The following SS18 variants were observed in gnomAD, a reference collection of about 807,000 sequenced individuals.
SS18 encodes protein SSXT.
SS18 carries 28 observed loss-of-function variants against 72.5 expected under a neutral mutation model. The ratio of observed to expected loss-of-function variants is 0.39; its 90% CI spans 0.29 to 0.53. SS18 has a LOEUF of 0.53. Ranked by LOEUF, SS18 falls within the 20% of genes least tolerant of loss-of-function variation. The pLI is 0.76. For synonymous variants in SS18, 172 were observed against 164.2 expected (o/e 1.05, Z -0.37); for missense variants, 518 against 535.3 (o/e 0.97, Z 0.32).
rs965599039 is a variant in SS18 at position 26,038,535 on chromosome 18, T to C, written c.880+20A>G. 5.0e-6 allele frequency: 8 copies of C among 1,599,524 alleles called. No individual in the cohort carries two copies. The highest frequency in any genetic ancestry group is 6.9e-6 in the Non-Finnish European group (8 of 1,167,302). ...TAGGCAGGGATAGAAAATGGGAAAGTTAACATCAGGAGAGATTACCATCAG... is the reference window on the plus strand; with the variant it reads ...TAGGCAGGGATAGAAAATGGGAAAGCTAACATCAGGAGAGATTACCATCAG... On this transcript the variant is annotated intron_variant, in intron 7 of 10. Coordinates refer to ENST00000415083, the MANE Select transcript of SS18 (RefSeq NM_001007559.3).
rs1387428596 is a variant in SS18, at chr18:26,057,819, T to C, written c.232-77A>G. 5.1e-6 allele frequency: 7 copies of C among 1,363,790 alleles called. No homozygotes were observed. The African/African-American group carries it at 1.0e-4, about 20-fold the overall frequency. The allele number at this position is 1,363,790 out of a possible 1,614,324, so 84.5% of individuals were successfully genotyped here. A position where few individuals can be genotyped will look rare whatever the true frequency, so the allele number is the denominator to read the frequency against. On this transcript the variant is annotated intron_variant, in intron 3 of 10. Transcript: ENST00000415083. ...ATGCATAGGGTAAAAGAGTTGCTTA[T>C]GTTACTAAATTGCAGTAAGAACAAA... is the stretch of plus-strand genomic sequence containing the variant.
In SS18 at chr18:26,069,523, A is replaced by AAG. The variant is rs1555651857; in HGVS notation, c.231+8552_231+8553insCT. 7.8e-3 allele frequency among the ~76,000 whole-genome samples: 1,178 copies of AAG among 150,538 alleles called. 10 individuals carry two copies. The highest frequency in any genetic ancestry group is 0.027 in the African/African-American group (1,109 of 40,814). On this transcript the variant is annotated intron_variant, in intron 3 of 10. Transcript: ENST00000415083. ...CTACCAAAGTAAAAAAAAAAAAAAA[A>AAG]AAAGAAAAAGAAAGAAATACTGTGA...
intron 1 of SS18, among the ~76,000 whole-genome samples, chr18:26,088,148 G>T (rs942654969): frequency 1.3e-5 from 2 of 152,082 alleles, no homozygotes; most frequent in Non-Finnish European, 2.9e-5. Context: ...TTCTCCCTCT[G>T]AATAAACAAG....
chr18:26,081,075 C>A (rs1488262715), intron 2 of SS18: 1 of 118,590 alleles, frequency 8.4e-6, no homozygotes, highest in Non-Finnish European at 1.6e-5. Flanking sequence ...GGCGACAGAG[C>A]GAGACTCCGT....
chr18:26,038,664 A>G lies in SS18; in HGVS notation c.776-5T>C. 1 of 1,610,554 alleles carries G rather than the reference A, an allele frequency of 6.2e-7. No homozygotes were observed. The highest frequency in any genetic ancestry group is 2.2e-5 in the East Asian group (1 of 44,826). ...CTGAGTACTGCTGTGGTGGGCCTGA[A>G]AAACCACAACCAGTCAAGATATAAA... is the stretch of plus-strand genomic sequence containing the variant. On this transcript the variant is annotated splice_region_variant and splice_polypyrimidine_tract_variant and intron_variant, in intron 6 of 10. Transcript: ENST00000415083.
Position 26,030,169 on chromosome 18 carries a change from C to T in SS18, c.1230+2230G>A, listed in dbSNP as rs546389779. ...AGGATAAAGTTCAAGTCCCCTAATA[C>T]GGCTTGTAAGAGCCTTCCTAAGCTA... On this transcript the variant is annotated intron_variant, in intron 10 of 10. Transcript: ENST00000415083. Among the ~76,000 whole-genome samples, 23 of 152,318 alleles carry T rather than the reference C, an allele frequency of 1.5e-4. No individual in the cohort carries two copies. The East Asian group carries it at 2.1e-3, about 14-fold the overall frequency.
chr18:26,044,480 C>A (rs914364322), intron 5 of SS18, among the ~76,000 whole-genome samples: 3 of 151,620 alleles, frequency 2.0e-5, no homozygotes, highest in Admixed American at 6.6e-5. Context: ...CACACCACCA[C>A]GTCCGGCTAA....
At chr18:26,072,655 G>A (rs143879325) in intron 3 of SS18, among the ~76,000 whole-genome samples, 2,347 of 151,964 alleles carry the variant, frequency 0.015, 65 homozygotes, top group African/African-American at 0.054. Flanking sequence ...AAATTAGCCA[G>A]GCGTAGTGGC....
At position 26,090,182 on chromosome 18, in the gene SS18, C is replaced by T. The variant is rs370842612; in HGVS notation, c.69+319G>A. The T allele has an allele frequency of 1.9e-5, 8 of 414,322 alleles. No homozygotes were observed. In the South Asian group the frequency reaches 2.4e-4, roughly 13 times the overall value. 25.7% of individuals were successfully genotyped at this position (414,322 alleles called of 1,614,324 possible). ...GCCGCCGGTCCGACACACGCCCTTC[C>T]CTGAGCGGCCGCCGCCGGGCGCACG... On this transcript the variant is annotated intron_variant, in intron 1 of 10. Coordinates refer to ENST00000415083, the MANE Select transcript of SS18 (RefSeq NM_001007559.3).
At chr18:26,048,036 C>A (rs2053859682) in intron 5 of SS18, among the ~76,000 whole-genome samples, 1 of 152,108 alleles carries the variant, frequency 6.6e-6, no homozygotes, top group African/African-American at 2.4e-5. Context: ...AATAAACATA[C>A]AAAGTTATGC....
At chr18:26,074,956 G>A (rs955162104) in intron 3 of SS18, among the ~76,000 whole-genome samples, 2 of 151,810 alleles carry the variant, frequency 1.3e-5, no homozygotes, top group African/African-American at 4.8e-5. Flanking sequence ...ATTATTTCAA[G>A]AGCTTTTACT....
intron 3 of SS18, among the ~76,000 whole-genome samples, chr18:26,061,144 T>C (rs1031162080): frequency 2.0e-5 from 3 of 152,098 alleles, no homozygotes; most frequent in Non-Finnish European, 4.4e-5. Context: ...AAACCCTGTC[T>C]CTACTAAAAA....
chr18:26,033,914 C>T (rs2053586023), intron 9 of SS18, among the ~76,000 whole-genome samples: 1 of 151,706 alleles, frequency 6.6e-6, no homozygotes, highest in South Asian at 2.1e-4. Flanking sequence ...CATCCAAAGG[C>T]AATAAAACCA....
intron 9 of SS18, among the ~76,000 whole-genome samples, chr18:26,033,253 C>G (rs1163114303): frequency 6.6e-6 from 1 of 152,180 alleles, no homozygotes; most frequent in Non-Finnish European, 1.5e-5. Context: ...GTGGCTTACG[C>G]CTGTAATCCC....
chr18:26,025,096 C>G (rs1164252198), intron 10 of SS18, among the ~76,000 whole-genome samples: 1 of 152,004 alleles, frequency 6.6e-6, no homozygotes, highest in Non-Finnish European at 1.5e-5. Flanking sequence ...GTAAATTCAT[C>G]AGAAAGATTT....
rs562118097 is a variant in SS18, at chr18:26,070,985, A to G, written c.231+7091T>C. 3.3e-5 allele frequency among the ~76,000 whole-genome samples: 5 copies of G among 152,270 alleles called. No homozygotes were observed. The East Asian group carries it at 9.6e-4, about 29-fold the overall frequency. On this transcript the variant is annotated intron_variant, in intron 3 of 10. Coordinates refer to ENST00000415083, the MANE Select transcript of SS18 (RefSeq NM_001007559.3). ...AAATTCTAGAAATAGAAAAATATAT[A>G]TTAGGAACTCAAGGGATAGGTATAA...
At chr18:26,023,693 A>AC in intron 10 of SS18, 1 of 521,700 alleles carries the variant, frequency 1.9e-6, no homozygotes, top group East Asian at 4.0e-5. Flanking sequence ...TTTCAGACAT[A>AC]CAAAAGCTGA....
chr18:26,041,448 C>T (rs946829118), intron 5 of SS18, among the ~76,000 whole-genome samples: 2 of 150,978 alleles, frequency 1.3e-5, no homozygotes, highest in African/African-American at 4.9e-5. Context: ...AAACAAAACA[C>T]GAAACAAATT....
At chr18:26,049,060 T>G (rs532801727) in intron 5 of SS18, among the ~76,000 whole-genome samples, 56 of 152,312 alleles carry the variant, frequency 3.7e-4, no homozygotes, top group Non-Finnish European at 6.9e-4. Context: ...TCTGAAGAAT[T>G]ACACACATGG....
Sources: allele counts gnomAD v4.1 joint callset (sites outside exome capture counted in the v4.1 genomes callset), GRCh38; gene constraint gnomAD v4.1.1; transcripts MANE v1.5; gene names NCBI Gene and HGNC (gene_info 2026-07-23, HGNC 2026-07-21).